The following PCDH15 variants were observed in gnomAD, a reference collection of about 807,000 sequenced individuals.
PCDH15 encodes protocadherin related 15.
Under a neutral mutation model 178.5 loss-of-function variants are expected in PCDH15, and 129 were observed. That is an observed-to-expected ratio of 0.72 (90% CI 0.63 to 0.84). The LOEUF (loss-of-function observed/expected upper bound fraction) is 0.84, where lower values mean the gene tolerates loss of function less well. PCDH15 is among the 40% of genes least tolerant of loss of function. The pLI is 0.00. For missense variants in PCDH15, 2,230 were observed against 2,099.9 expected (o/e 1.06, Z -1.21); for synonymous variants, 800 against 732.0 (o/e 1.09, Z -1.50).
At chr10:55,403,498 G>A (rs1838124240) in intron 2 of PCDH15, among the ~76,000 whole-genome samples, 1 of 151,694 alleles carries the variant, frequency 6.6e-6, no homozygotes, top group South Asian at 2.1e-4. Context: ...GAATTTTATA[G>A]TTTTGAGTAT....
At chr10:54,707,763 T>C (rs2095380352) in intron 1 of PCDH15, among the ~76,000 whole-genome samples, 1 of 152,170 alleles carries the variant, frequency 6.6e-6, no homozygotes, top group Admixed American at 6.6e-5. Flanking sequence ...GACATAATGC[T>C]TAGGGTTGAG....
intron 2 of PCDH15, among the ~76,000 whole-genome samples, chr10:55,547,660 T>G (rs1012341227): frequency 1.3e-5 from 2 of 152,092 alleles, no homozygotes; most frequent in African/African-American, 4.8e-5. Flanking sequence ...CTAATTTTCC[T>G]CACTTTAAAG....
intron 25 of PCDH15, among the ~76,000 whole-genome samples, chr10:53,932,751 G>T (rs901381927): frequency 6.6e-6 from 1 of 152,134 alleles, no homozygotes; most frequent in African/African-American, 2.4e-5. Flanking sequence ...GAACATGATG[G>T]TTTTGGTCTA....
chr10:54,012,024 C>T (rs552736089), intron 20 of PCDH15, among the ~76,000 whole-genome samples: 2 of 152,120 alleles, frequency 1.3e-5, no homozygotes, highest in African/African-American at 2.4e-5. Flanking sequence ...AAAATCCAAA[C>T]CAAGGAAACT....
At chr10:54,826,596 A>G (rs747228202) in intron 3 of PCDH15, among the ~76,000 whole-genome samples, 4 of 151,890 alleles carry the variant, frequency 2.6e-5, no homozygotes, top group Admixed American at 6.6e-5. Context: ...TGGAAAATCT[A>G]ATTCGACTTA....
intron 1 of PCDH15, among the ~76,000 whole-genome samples, chr10:55,204,079 T>C (rs1591987401): frequency 6.7e-6 from 1 of 149,960 alleles, no homozygotes; most frequent in East Asian, 1.9e-4. Context: ...ATAAACATTA[T>C]ATATAGTGCA....
chr10:55,531,152 T>C (rs920531900), intron 2 of PCDH15, among the ~76,000 whole-genome samples: 4 of 152,006 alleles, frequency 2.6e-5, no homozygotes, highest in African/African-American at 9.7e-5. Context: ...ATTTATTGAA[T>C]TACAATTTGC....
intron 2 of PCDH15, among the ~76,000 whole-genome samples, chr10:55,093,689 T>G (rs2132038005): frequency 6.6e-6 from 1 of 152,156 alleles, no homozygotes; most frequent in South Asian, 2.1e-4. Context: ...TTCAACAAAT[T>G]TACAAGAAAA....
intron 1 of PCDH15, among the ~76,000 whole-genome samples, chr10:54,677,001 G>A (rs1369521284): frequency 1.3e-5 from 2 of 152,176 alleles, no homozygotes; most frequent in East Asian, 3.8e-4. Context: ...AATGATAAAG[G>A]TATAGTGAAA....
At chr10:54,586,458 G>T (rs190788273) in intron 2 of PCDH15, among the ~76,000 whole-genome samples, 8 of 152,174 alleles carry the variant, frequency 5.3e-5, no homozygotes, top group East Asian at 3.9e-4. Context: ...GACCTATAAA[G>T]TACTTGGTCG....
chr10:53,878,493 TA>T (rs1286385962), intron 26 of PCDH15, among the ~76,000 whole-genome samples: 18 of 141,032 alleles, frequency 1.3e-4, no homozygotes, highest in East Asian at 6.0e-4. Flanking sequence ...TATAAATATA[TA>T]ATATATTATA....
chr10:55,224,673 T>C (rs1840976964), intron 1 of PCDH15, among the ~76,000 whole-genome samples: 1 of 152,078 alleles, frequency 6.6e-6, no homozygotes, highest in Non-Finnish European at 1.5e-5. Context: ...GCTCAATAAA[T>C]ACTCACTGAA....
intron 2 of PCDH15, among the ~76,000 whole-genome samples, chr10:55,144,268 GAGA>G (rs35443298): frequency 0.35 from 31,759 of 89,508 alleles, 4,060 homozygotes; most frequent in South Asian, 0.44. Flanking sequence ...TATTACGGCT[GAGA>G]AAAAAAAAAA....
intron 2 of PCDH15, among the ~76,000 whole-genome samples, chr10:54,541,435 C>T (rs1245678900): frequency 6.6e-6 from 1 of 152,034 alleles, no homozygotes; most frequent in Non-Finnish European, 1.5e-5. Context: ...TGGAACTATA[C>T]TTTCTTTTTA....
Position 54,567,822 on chromosome 10 carries a change from CA to C in PCDH15, c.92-39946del, listed in dbSNP as rs1482398721. Among the ~76,000 whole-genome samples the C allele has an allele frequency of 1.2e-4, 18 of 152,212 alleles. 1 individual carries two copies. The East Asian group carries it at 3.1e-3, about 26-fold the overall frequency. ...TATTGAGATGTCAAGTGGCATCCAG[CA>C]GAAGGTGAAGAAGTCACAGAGTTAC... On this transcript the variant is annotated intron_variant, in intron 2 of 37. Coordinates refer to ENST00000644397, the MANE Select transcript of PCDH15 (RefSeq NM_001384140.1).
intron 2 of PCDH15, among the ~76,000 whole-genome samples, chr10:55,479,159 G>A (rs139637112): frequency 2.2e-4 from 34 of 151,372 alleles, no homozygotes; most frequent in African/African-American, 8.0e-4. Context: ...GCATTACTCT[G>A]CTACCAAAAT....
chr10:53,833,666 TG>T (rs1271020798), intron 29 of PCDH15, among the ~76,000 whole-genome samples: 2 of 152,132 alleles, frequency 1.3e-5, no homozygotes, highest in Non-Finnish European at 2.9e-5. Flanking sequence ...CATTGATTTT[TG>T]CCTGTAATAT....
intron 15 of PCDH15, among the ~76,000 whole-genome samples, chr10:54,092,709 G>A (rs1418993616): frequency 6.6e-6 from 1 of 152,044 alleles, no homozygotes; most frequent in Non-Finnish European, 1.5e-5. Flanking sequence ...TTGCTAGATA[G>A]GAACCACAAA....
At chr10:53,829,687 G>C (rs2076904246) in intron 30 of PCDH15, among the ~76,000 whole-genome samples, 1 of 152,106 alleles carries the variant, frequency 6.6e-6, no homozygotes, top group African/African-American at 2.4e-5. Context: ...CATTGCTTTT[G>C]AGGTAGAAAA....
Sources: allele counts gnomAD v4.1 joint callset (sites outside exome capture counted in the v4.1 genomes callset), GRCh38; gene constraint gnomAD v4.1.1; transcripts MANE v1.5; gene names NCBI Gene and HGNC (gene_info 2026-07-23, HGNC 2026-07-21).